The following NEK6 variants were observed in gnomAD, a reference collection of about 807,000 sequenced individuals.
NEK6 encodes serine/threonine-protein kinase Nek6.
A neutral mutation model predicts 43.5 loss-of-function variants in NEK6; 27 were observed. The observed-to-expected ratio is 0.62, with a 90% CI of 0.46 to 0.86. The LOEUF (loss-of-function observed/expected upper bound fraction) is 0.86, where lower values mean the gene tolerates loss of function less well. NEK6 is among the 40% of genes least tolerant of loss of function. The probability of loss-of-function intolerance (pLI) is 0.00; values close to 1 mark genes in which losing one functional copy is unlikely to be tolerated. For synonymous variants in NEK6, 167 were observed against 164.1 expected (o/e 1.02, Z -0.14); for missense variants, 318 against 414.4 (o/e 0.77, Z 2.02).
chr9:124,293,913 A>G (rs1832547955), intron 1 of NEK6, among the ~76,000 whole-genome samples: 2 of 151,148 alleles, frequency 1.3e-5, no homozygotes, highest in African/African-American at 4.9e-5. Context: ...ATGCCACCAG[A>G]TGGGAAAGGG....
chr9:124,342,104 A>G (rs910871392), intron 8 of NEK6, among the ~76,000 whole-genome samples: 8 of 152,208 alleles, frequency 5.3e-5, no homozygotes, highest in African/African-American at 1.9e-4. Flanking sequence ...GGCTAGCAGT[A>G]GAGTCACGCC....
intron 1 of NEK6, among the ~76,000 whole-genome samples, chr9:124,293,811 TGC>T (rs2119072204): frequency 1.3e-5 from 2 of 152,342 alleles, no homozygotes; most frequent in South Asian, 4.1e-4. Context: ...GGTCAGTCCC[TGC>T]CCTTAAAGGC....
intron 1 of NEK6, among the ~76,000 whole-genome samples, chr9:124,271,289 A>C (rs1031910505): frequency 6.6e-6 from 1 of 152,236 alleles, no homozygotes; most frequent in African/African-American, 2.4e-5. Flanking sequence ...CTCACTCAGG[A>C]ACAACGCCAA....
At chr9:124,308,415 G>T (rs1235308883) in intron 2 of NEK6, among the ~76,000 whole-genome samples, 1 of 152,148 alleles carries the variant, frequency 6.6e-6, no homozygotes, top group Non-Finnish European at 1.5e-5. Context: ...ACTTTGGGAG[G>T]CCGAGGCAGG....
intron 9 of NEK6, 33 bp from the exon 10 acceptor site, chr9:124,350,801 TTTC>T: frequency 2.7e-6 from 4 of 1,505,648 alleles, no homozygotes; most frequent in Non-Finnish European, 3.7e-6. Flanking sequence ...GTAAGACTGC[TTTC>T]TTGAGAATAA....
rs144052872 is a variant in NEK6 at position 124,347,817 on chromosome 9, G to C, written c.826G>C (p.Glu276Gln). 6.2e-7 allele frequency: 1 copy of C among 1,606,694 alleles called. No individual in the cohort carries two copies. Among genetic ancestry groups the C allele is most frequent in the African/African-American group, 1.3e-5 (1 of 74,794 alleles). ...YPPLPGEHYS[E>Q]KLRELVSMCI... ...CCCACTCCCCGGGGAGCACTACTCCGAGAAGGTGAGTTTGCAGGAGCCGGA... is the reference window on the plus strand; with the variant it reads ...CCCACTCCCCGGGGAGCACTACTCCCAGAAGGTGAGTTTGCAGGAGCCGGA... The change falls in exon 9 of 10, where the codon GAG (glutamate) becomes CAG (glutamine). Residue 276 changes from glutamate to glutamine, a missense_variant. Glu to Gln is a conservative substitution (Grantham distance 29). Around this residue, in one of 2 missense-constraint regions of NEK6, gnomAD observed 79 missense variants for 70.0 expected, o/e 1.13. Transcript: ENST00000320246.
upstream of NEK6, chr9:124,257,640 A>G: frequency 6.6e-7 from 1 of 1,513,028 alleles, no homozygotes; most frequent in South Asian, 1.2e-5. Context: ...GAAGACGCAC[A>G]GGAGTCCAAG....
intron 1 of NEK6, among the ~76,000 whole-genome samples, chr9:124,264,003 G>A (rs10760344): frequency 3.1e-4 from 47 of 152,192 alleles, no homozygotes; most frequent in African/African-American, 1.1e-3. Context: ...CGTCGGCCCC[G>A]CAGAGGACTG....
chr9:124,330,716 G>A (rs953832899), intron 7 of NEK6, among the ~76,000 whole-genome samples: 2 of 152,236 alleles, frequency 1.3e-5, no homozygotes, highest in African/African-American at 2.4e-5. Context: ...GGGGATATGC[G>A]ATTATGCAGC....
At chr9:124,338,428 A>G (rs1370756293) in intron 7 of NEK6, among the ~76,000 whole-genome samples, 1 of 152,210 alleles carries the variant, frequency 6.6e-6, no homozygotes, top group Non-Finnish European at 1.5e-5. Context: ...TCTCTTATGT[A>G]CTGATTTGCA....
chr9:124,269,577 A>G (rs1831348479), intron 1 of NEK6, among the ~76,000 whole-genome samples: 2 of 151,584 alleles, frequency 1.3e-5, no homozygotes, highest in South Asian at 4.2e-4. Context: ...GGGTTTCACC[A>G]TGTTGGCCAG....
chr9:124,292,567 T>G, intron 1 of NEK6: 1 of 1,536,670 alleles, frequency 6.5e-7, no homozygotes, highest in South Asian at 1.2e-5. Flanking sequence ...ACCGAAGCCC[T>G]CCAGCCCCCG....
At chr9:124,350,150 C>T (rs1191089404) in intron 9 of NEK6, among the ~76,000 whole-genome samples, 1 of 152,214 alleles carries the variant, frequency 6.6e-6, no homozygotes, top group Admixed American at 6.5e-5. Flanking sequence ...GCGGGGCTGA[C>T]CACCCCTCCA....
rs903959079 is a variant in NEK6, at chr9:124,347,865, C to T, written c.831+43C>T. On this transcript the variant is annotated intron_variant, in intron 9 of 9. Transcript: ENST00000320246. ...GGAGGCCTCGCCAGCCCCAGGAGGC[C>T]ACCGAGGCTTATGAGGGCCGCTCCA... 3.1e-6 allele frequency: 4 copies of T among 1,295,080 alleles called. No individual in the cohort carries two copies. In the African/African-American group the frequency reaches 5.9e-5, roughly 19 times the overall value. The allele number at this position is 1,295,080 out of a possible 1,614,324, so 80.2% of individuals were successfully genotyped here.
chr9:124,306,428 A>G (rs1237865214), intron 2 of NEK6, among the ~76,000 whole-genome samples: 3 of 152,148 alleles, frequency 2.0e-5, no homozygotes, highest in Non-Finnish European at 4.4e-5. Flanking sequence ...CACTGATCCC[A>G]TGAGCCAGTG....
In NEK6 at chr9:124,350,959, C is replaced by T. The variant is rs769820942; in HGVS notation, c.*12C>T. 7 of 1,588,616 alleles carry T rather than the reference C, an allele frequency of 4.4e-6. No individual in the cohort carries two copies. Among genetic ancestry groups the T allele is most frequent in the Admixed American group, 1.7e-5 (1 of 59,966 alleles). ...TGTCCAGCACCTGAGCGTGGATGCACCGTGCCTTATCAAAGCCAGCACCAC... is the reference window on the plus strand; with the variant it reads ...TGTCCAGCACCTGAGCGTGGATGCATCGTGCCTTATCAAAGCCAGCACCAC... On this transcript the variant is annotated 3_prime_UTR_variant, in exon 10 of 10. Transcript: ENST00000320246.
intron 5 of NEK6, among the ~76,000 whole-genome samples, chr9:124,323,073 C>G (rs1404274819): frequency 6.6e-6 from 1 of 152,228 alleles, no homozygotes; most frequent in African/African-American, 2.4e-5. Context: ...ATCGTGTATC[C>G]ACTGTGTGCC....
intron 3 of NEK6, 67 bp from the exon 4 acceptor site, chr9:124,313,856 G>C: frequency 1.9e-6 from 3 of 1,548,086 alleles, no homozygotes; most frequent in Non-Finnish European, 2.7e-6. Flanking sequence ...AGCAGACCCC[G>C]TGGCCTCCTT....
intron 7 of NEK6, among the ~76,000 whole-genome samples, chr9:124,337,381 A>C (rs1309775660): frequency 6.6e-6 from 1 of 152,190 alleles, no homozygotes; most frequent in Non-Finnish European, 1.5e-5. Flanking sequence ...TTCACCATTA[A>C]CACCTTTTTC....
Sources: gnomAD v4.1 joint callset for allele counts (sites outside exome capture counted in the v4.1 genomes callset) on GRCh38, gnomAD v4.1.1 for gene constraint, gnomAD v4.1.1 regional missense constraint, MANE v1.5 for transcripts, NCBI Gene and HGNC (gene_info 2026-07-23, HGNC 2026-07-21) for gene names.